The following VAV3 variants were observed in gnomAD, a reference collection of about 807,000 sequenced individuals.
VAV3 encodes vav guanine nucleotide exchange factor 3.
A neutral mutation model predicts 131.2 loss-of-function variants in VAV3; 94 were observed. The observed-to-expected ratio is 0.72, with a 90% confidence interval of 0.61 to 0.85. The LOEUF is 0.85. VAV3 is among the 40% of genes least tolerant of loss of function. The pLI, the probability that VAV3 is intolerant of heterozygous loss-of-function variation, is 0.00. For synonymous variants in VAV3, 349 were observed against 342.0 expected (o/e 1.02, Z -0.22); for missense variants, 939 against 1,002.7 (o/e 0.94, Z 0.86).
At chr1:107,868,377 C>T (rs1670100306) in intron 2 of VAV3, among the ~76,000 whole-genome samples, 1 of 152,138 alleles carries the variant, frequency 6.6e-6, no homozygotes, top group African/African-American at 2.4e-5. Context: ...TCAAGCCATG[C>T]CAAGGTGAGG....
At chr1:107,951,905 A>G (rs1486915002) in intron 1 of VAV3, among the ~76,000 whole-genome samples, 8 of 152,188 alleles carry the variant, frequency 5.3e-5, no homozygotes, top group Admixed American at 5.2e-4. Flanking sequence ...TGTGGAAGAC[A>G]GTGTGGTGAT....
intron 2 of VAV3, among the ~76,000 whole-genome samples, chr1:107,844,432 T>TC (rs955931329): frequency 6.6e-6 from 1 of 152,140 alleles, no homozygotes; most frequent in African/African-American, 2.4e-5. Context: ...AAGTTTTTTT[T>TC]CCGTACCCCA....
intron 1 of VAV3, among the ~76,000 whole-genome samples, chr1:107,926,416 G>C (rs1178081139): frequency 6.6e-6 from 1 of 152,194 alleles, no homozygotes; most frequent in African/African-American, 2.4e-5. Flanking sequence ...TACACCAATT[G>C]TCTCCTTCAA....
rs562221687 is a variant in VAV3, at chr1:107,751,558, C to T, written c.1174-356G>A. The stretch of plus-strand genomic sequence containing the variant: ...CGTGCCAACCACCATAACAGGTGTA[C>T]GGCAAAATGATACAGACACTGCCCT... On this transcript the variant is annotated intron_variant, in intron 12 of 26. Coordinates refer to ENST00000370056, the MANE Select transcript of VAV3 (RefSeq NM_006113.5). 6.8e-4 allele frequency among the ~76,000 whole-genome samples: 103 copies of T among 152,132 alleles called. 1 individual carries two copies. Among genetic ancestry groups the T allele is most frequent in the Non-Finnish European group, 1.1e-3 (78 of 68,008 alleles).
chr1:107,843,852 T>TG (rs1337050703), intron 2 of VAV3, among the ~76,000 whole-genome samples: 1 of 151,848 alleles, frequency 6.6e-6, no homozygotes, highest in Non-Finnish European at 1.5e-5. Flanking sequence ...CTTTCCACTG[T>TG]GGGGGTTCAA....
chr1:107,685,194 T>G (rs543537675), intron 18 of VAV3, among the ~76,000 whole-genome samples: 1 of 152,190 alleles, frequency 6.6e-6, no homozygotes, highest in African/African-American at 2.4e-5. Context: ...TCTTACACCT[T>G]GAATTTAGAA....
intron 15 of VAV3, among the ~76,000 whole-genome samples, chr1:107,739,311 A>G (rs1662869818): frequency 6.6e-6 from 1 of 152,216 alleles, no homozygotes; most frequent in South Asian, 2.1e-4. Context: ...CGGATCAAAC[A>G]GGCTATTGAA....
chr1:107,852,851 T>G (rs112355991), intron 2 of VAV3, among the ~76,000 whole-genome samples: 130 of 152,264 alleles, frequency 8.5e-4, no homozygotes, highest in African/African-American at 3.0e-3. Flanking sequence ...CAGCAACCAC[T>G]CTATCTAAAA....
intron 19 of VAV3, among the ~76,000 whole-genome samples, chr1:107,671,085 A>G (rs1657755667): frequency 6.6e-6 from 1 of 152,222 alleles, no homozygotes; most frequent in Admixed American, 6.5e-5. Flanking sequence ...TGTTAGGCCT[A>G]TAATGGTAGG....
intron 1 of VAV3, among the ~76,000 whole-genome samples, chr1:107,877,709 A>C (rs1446226082): frequency 6.6e-6 from 1 of 152,062 alleles, no homozygotes; most frequent in Non-Finnish European, 1.5e-5. Context: ...TTATTTATGT[A>C]TTTTTCAGTT....
chr1:107,782,897 C>A (rs956374966), intron 2 of VAV3, among the ~76,000 whole-genome samples: 1 of 152,140 alleles, frequency 6.6e-6, no homozygotes, highest in African/African-American at 2.4e-5. Context: ...TGTTTTCCTG[C>A]AATATATTAA....
intron 2 of VAV3, among the ~76,000 whole-genome samples, chr1:107,782,721 C>G (rs1203928557): frequency 6.6e-6 from 1 of 152,110 alleles, no homozygotes; most frequent in Non-Finnish European, 1.5e-5. Flanking sequence ...GTTTTTAGAA[C>G]AATGTGTATT....
chr1:107,602,505 A>G, intron 23 of VAV3, 21 bp from the exon 24 acceptor site: 1 of 1,522,248 alleles, frequency 6.6e-7, no homozygotes, highest in Non-Finnish European at 8.8e-7. Context: ...TGAATAACTT[A>G]TGAATATAAA....
At chr1:107,944,335 A>G (rs1674146289) in intron 1 of VAV3, among the ~76,000 whole-genome samples, 1 of 152,172 alleles carries the variant, frequency 6.6e-6, no homozygotes. Flanking sequence ...CCATCTTTGC[A>G]GGTAAGTAAG....
Position 107,687,613 on chromosome 1 carries a change from C to T in VAV3, c.1731+768G>A, listed in dbSNP as rs59769440. On this transcript the variant is annotated intron_variant, in intron 18 of 26. Coordinates refer to ENST00000370056, the MANE Select transcript of VAV3 (RefSeq NM_006113.5). ...TGTTATTTTTGGTTGAAGGTCAAGGCAATGATTGTCTGGGAACCATTAAAA... is the reference window on the plus strand; with the variant it reads ...TGTTATTTTTGGTTGAAGGTCAAGGTAATGATTGTCTGGGAACCATTAAAA... Among the ~76,000 whole-genome samples, 583 of 152,176 alleles carry T rather than the reference C, an allele frequency of 3.8e-3. 7 individuals are homozygous for T. The highest frequency in any genetic ancestry group is 0.013 in the African/African-American group (550 of 41,524).
chr1:107,665,752 G>A (rs1325434710), intron 19 of VAV3, among the ~76,000 whole-genome samples: 2 of 152,136 alleles, frequency 1.3e-5, no homozygotes, highest in Non-Finnish European at 2.9e-5. Flanking sequence ...CTCTGTCCCA[G>A]CCTGATCCAG....
At chr1:107,815,147 A>C (rs1026402272) in intron 2 of VAV3, among the ~76,000 whole-genome samples, 2 of 152,238 alleles carry the variant, frequency 1.3e-5, no homozygotes, top group African/African-American at 4.8e-5. Context: ...GTGTATCTGA[A>C]TCACCTTCCC....
At chr1:107,715,065 A>T (rs1437290770) in intron 15 of VAV3, among the ~76,000 whole-genome samples, 1 of 152,174 alleles carries the variant, frequency 6.6e-6, no homozygotes, top group Non-Finnish European at 1.5e-5. Flanking sequence ...TATGTTTATT[A>T]CAAAATTAAA....
chr1:107,665,633 T>C (rs1657355477), intron 19 of VAV3, among the ~76,000 whole-genome samples: 1 of 152,166 alleles, frequency 6.6e-6, no homozygotes, highest in Non-Finnish European at 1.5e-5. Context: ...ATATGATCGG[T>C]CATATGACAA....
Sources: allele counts gnomAD v4.1 joint callset (sites outside exome capture counted in the v4.1 genomes callset), GRCh38; gene constraint gnomAD v4.1.1; transcripts MANE v1.5; gene names NCBI Gene and HGNC (gene_info 2026-07-23, HGNC 2026-07-21).